Variants in C1QTNF7 observed in about 807,000 individuals in gnomAD.
C1QTNF7 encodes complement C1q tumor necrosis factor-related protein 7.
A neutral mutation model predicts 19.6 loss-of-function variants in C1QTNF7; 15 were observed. That is an observed-to-expected ratio of 0.76 (90% confidence interval 0.51 to 1.18). The LOEUF (loss-of-function observed/expected upper bound fraction) is 1.18, where lower values mean the gene tolerates loss of function less well. C1QTNF7 is among the 50% of genes most tolerant of loss of function. The pLI is 0.00. For synonymous variants in C1QTNF7, 142 were observed against 137.5 expected (o/e 1.03, Z -0.23); for missense variants, 324 against 359.7 (o/e 0.90, Z 0.80).
At chr4:15,353,573 T>C (rs1035455339) in intron 1 of C1QTNF7, among the ~76,000 whole-genome samples, 1 of 152,128 alleles carries the variant, frequency 6.6e-6, no homozygotes, top group African/African-American at 2.4e-5. Context: ...ATCTGTGATG[T>C]CTCTAATTGT....
intron 1 of C1QTNF7, among the ~76,000 whole-genome samples, chr4:15,421,597 C>T (rs748803152): frequency 3.9e-5 from 6 of 152,202 alleles, no homozygotes; most frequent in Non-Finnish European, 5.9e-5. Context: ...AGTACTATCA[C>T]TCTCCTCATC....
chr4:15,379,014 T>C (rs1480863264), intron 1 of C1QTNF7, among the ~76,000 whole-genome samples: 1 of 152,194 alleles, frequency 6.6e-6, no homozygotes, highest in Non-Finnish European at 1.5e-5. Flanking sequence ...TTTGTCACCA[T>C]AGTGACCTCA....
rs767701995 is a variant in C1QTNF7 at position 15,340,242 on chromosome 4, T to G, written c.13+35T>G. On this transcript the variant is annotated intron_variant, in intron 1 of 2. Coordinates refer to the C1QTNF7 transcript ENST00000295297. Reference sequence around the variant, plus strand: ...CATTTTCACTGCAGTTTTTCTCTTTTTCCCTCCTATTCGGCCTTCATCAAA... The same window carrying G: ...CATTTTCACTGCAGTTTTTCTCTTTGTCCCTCCTATTCGGCCTTCATCAAA... 4.6e-5 allele frequency: 71 copies of G among 1,550,288 alleles called. 1 individual carries two copies. The East Asian group carries it at 1.7e-3, about 37-fold the overall frequency.
chr4:15,384,509 A>G (rs1384462764), intron 1 of C1QTNF7, among the ~76,000 whole-genome samples: 1 of 152,192 alleles, frequency 6.6e-6, no homozygotes, highest in African/African-American at 2.4e-5. Flanking sequence ...AAGACCTCTG[A>G]CCACACATAT....
Position 15,435,824 on chromosome 4 carries a change from C to A in C1QTNF7, c.81C>A (p.Asn27Lys). Residue 27 changes from asparagine (N) to lysine (K), a missense_variant, in exon 2 of 3, where the codon AAC (asparagine) becomes AAA (lysine). By Grantham distance (94) the Asn-to-Lys change is moderately conservative (BLOSUM62 0). Coordinates refer to ENST00000444304, the MANE Select transcript of C1QTNF7 (RefSeq NM_031911.5). The part of the protein sequence containing the change: ...QPRGNQLKGE[N>K]YSPRYICSIP... ...GGGGTAATCAGTTGAAAGGAGAGAA[C>A]TACTCCCCCAGGTATATCTGCAGCA... is the stretch of plus-strand genomic sequence containing the variant. The A allele has an allele frequency of 1.9e-6, 3 of 1,614,122 alleles. No individual in the cohort carries two copies. The highest frequency in any genetic ancestry group is 1.7e-6 in the Non-Finnish European group (2 of 1,180,030).
chr4:15,421,345 G>A (rs1212220299), intron 1 of C1QTNF7, among the ~76,000 whole-genome samples: 1 of 152,102 alleles, frequency 6.6e-6, no homozygotes, highest in Non-Finnish European at 1.5e-5. Context: ...TGGAGGCATT[G>A]CTTCCAGGTC....
At chr4:15,370,466 T>C (rs185364575) in intron 1 of C1QTNF7, among the ~76,000 whole-genome samples, 2 of 152,292 alleles carry the variant, frequency 1.3e-5, no homozygotes, top group East Asian at 3.9e-4. Flanking sequence ...TGGCTGTAAT[T>C]AGGAACTCTG....
At chr4:15,389,798 T>A (rs1718487069) in intron 1 of C1QTNF7, among the ~76,000 whole-genome samples, 1 of 152,082 alleles carries the variant, frequency 6.6e-6, no homozygotes, top group Non-Finnish European at 1.5e-5. Flanking sequence ...TCATAAACTG[T>A]CTTGAGAGGC....
At chr4:15,414,587 T>A (rs1719521724) in intron 1 of C1QTNF7, among the ~76,000 whole-genome samples, 4 of 137,362 alleles carry the variant, frequency 2.9e-5, no homozygotes. Context: ...TAAATCAGGC[T>A]TCAGTTCCCC....
At chr4:15,433,564 A>G (rs545160422) in intron 1 of C1QTNF7, among the ~76,000 whole-genome samples, 1 of 152,342 alleles carries the variant, frequency 6.6e-6, no homozygotes, top group East Asian at 1.9e-4. Flanking sequence ...GTAACAAGAC[A>G]AGAACTTAAG....
chr4:15,396,217 G>T (rs1718773161), intron 1 of C1QTNF7, among the ~76,000 whole-genome samples: 1 of 152,180 alleles, frequency 6.6e-6, no homozygotes, highest in East Asian at 1.9e-4. Context: ...TCAGCCACTT[G>T]TACCGCATCC....
chr4:15,377,306 C>A (rs1311008171), intron 1 of C1QTNF7, among the ~76,000 whole-genome samples: 1 of 152,164 alleles, frequency 6.6e-6, no homozygotes, highest in African/African-American at 2.4e-5. Flanking sequence ...TATTTCCTAT[C>A]TTGTTGATAC....
At chr4:15,357,857 G>A (rs543339605) in intron 1 of C1QTNF7, among the ~76,000 whole-genome samples, 1 of 152,244 alleles carries the variant, frequency 6.6e-6, no homozygotes, top group Non-Finnish European at 1.5e-5. Context: ...TTGTGAATAG[G>A]AGTTCACTCA....
intron 1 of C1QTNF7, among the ~76,000 whole-genome samples, chr4:15,341,991 A>G (rs764232370): frequency 4.6e-5 from 7 of 152,208 alleles, no homozygotes. Context: ...CCAGGGCCCC[A>G]GAGGGCCCCA....
chr4:15,396,539 T>C (rs1718788605), intron 1 of C1QTNF7, among the ~76,000 whole-genome samples: 2 of 152,192 alleles, frequency 1.3e-5, no homozygotes, highest in African/African-American at 4.8e-5. Context: ...TATCATATTT[T>C]AGTTTCCAAA....
At chr4:15,410,106 C>T (rs1263827516) in intron 1 of C1QTNF7, among the ~76,000 whole-genome samples, 1 of 152,154 alleles carries the variant, frequency 6.6e-6, no homozygotes, top group Admixed American at 6.5e-5. Context: ...GCCGTTAGCA[C>T]TAATCCAGGA....
At chr4:15,433,106 T>C (rs948971541) in intron 1 of C1QTNF7, among the ~76,000 whole-genome samples, 2 of 152,148 alleles carry the variant, frequency 1.3e-5, no homozygotes, top group African/African-American at 4.8e-5. Context: ...AGGTCCCTCC[T>C]GAAAGCAACT....
chr4:15,421,110 A>T (rs1378204335), intron 1 of C1QTNF7, among the ~76,000 whole-genome samples: 1 of 152,092 alleles, frequency 6.6e-6, no homozygotes, highest in Non-Finnish European at 1.5e-5. Flanking sequence ...TAAACAAAGT[A>T]GAGAACATGG....
At chr4:15,355,606 T>C (rs1001539160) in intron 1 of C1QTNF7, among the ~76,000 whole-genome samples, 1 of 151,754 alleles carries the variant, frequency 6.6e-6, no homozygotes, top group Non-Finnish European at 1.5e-5. Flanking sequence ...AAAATGTGGA[T>C]TACAAAGACA....
Sources: gnomAD v4.1 joint callset for allele counts (sites outside exome capture counted in the v4.1 genomes callset) on GRCh38, gnomAD v4.1.1 for gene constraint, MANE v1.5 for transcripts, NCBI Gene and HGNC (gene_info 2026-07-23, HGNC 2026-07-21) for gene names.